NOX4: variants seen among roughly 807,000 people sequenced by gnomAD.
NOX4 encodes kidney oxidase-1.
Under a neutral mutation model 87.6 loss-of-function variants are expected in NOX4, and 69 were observed. That is an observed-to-expected ratio of 0.79 (90% CI 0.65 to 0.96). The LOEUF is 0.96. NOX4 is among the 40% of genes least tolerant of loss of function. NOX4 has a pLI of 0.00. For missense variants in NOX4, 680 were observed against 681.5 expected (o/e 1.00, Z 0.02); for synonymous variants, 275 against 238.2 (o/e 1.15, Z -1.42).
chr11:89,501,254 T>C (rs1247759754), upstream of NOX4, among the ~76,000 whole-genome samples: 1 of 152,066 alleles, frequency 6.6e-6, no homozygotes, highest in Non-Finnish European at 1.5e-5. Flanking sequence ...TGCAATTTAA[T>C]AGATTAAAAT....
intron 7 of NOX4, among the ~76,000 whole-genome samples, chr11:89,425,549 A>T (rs1441132695): frequency 1.3e-5 from 2 of 152,038 alleles, no homozygotes; most frequent in African/African-American, 4.8e-5. Flanking sequence ...TTAACGTAAA[A>T]ATGTTCATAA....
At position 89,400,353 on chromosome 11, in the gene NOX4, C is replaced by G. The variant is rs1941762814; in HGVS notation, c.873G>C (p.Leu291Phe). Residue 291 changes from leucine to phenylalanine, a missense_variant, in exon 10 of 18, where the codon TTG becomes TTC. Physicochemically the swap from Leu to Phe is conservative, Grantham distance 22. Coordinates refer to ENST00000263317, the MANE Select transcript of NOX4 (RefSeq NM_016931.5). ...AAAGTCTTTCGGCACAGTACAGGCA[C>G]AAAGGTCCAGAAATCCAAAGCCAAG... is the stretch of plus-strand genomic sequence containing the variant. ...PQTWLWISGP[L>F]CLYCAERLYR... 6.3e-7 allele frequency: 1 copy of G among 1,592,302 alleles called. No individual in the cohort carries two copies.
chr11:89,539,335 G>A, the NOX4 span, among the ~76,000 whole-genome samples: 4 of 152,050 alleles, frequency 2.6e-5, no homozygotes, highest in African/African-American at 9.7e-5. Context: ...GGGAGGCTGA[G>A]GCAGGAAAAT....
the NOX4 span, among the ~76,000 whole-genome samples, chr11:89,549,576 G>T: frequency 6.6e-6 from 1 of 152,128 alleles, no homozygotes; most frequent in African/African-American, 2.4e-5. Context: ...GTGCCATGGT[G>T]GTTTGCTGCA....
At chr11:89,355,221 T>C (rs1937934755) in intron 12 of NOX4, among the ~76,000 whole-genome samples, 178 bp from the exon 13 acceptor site, 1 of 149,920 alleles carries the variant, frequency 6.7e-6, no homozygotes, top group Middle Eastern at 3.2e-3. Flanking sequence ...TGTATGTATG[T>C]GTGTGTGTGT....
At chr11:89,478,906 T>C (rs1946276525) in intron 2 of NOX4, among the ~76,000 whole-genome samples, 1 of 152,030 alleles carries the variant, frequency 6.6e-6, no homozygotes, top group African/African-American at 2.4e-5. Context: ...GAATAATCAC[T>C]TGAGCCAAGG....
At chr11:89,346,748 C>T (rs1946231559) in intron 13 of NOX4, among the ~76,000 whole-genome samples, 2 of 152,166 alleles carry the variant, frequency 1.3e-5, no homozygotes, top group Admixed American at 1.3e-4. Context: ...AGCACTAAGG[C>T]TTGTTTATTG....
At chr11:89,425,079 T>C (rs1476770985) in intron 7 of NOX4, among the ~76,000 whole-genome samples, 1 of 152,110 alleles carries the variant, frequency 6.6e-6, no homozygotes, top group African/African-American at 2.4e-5. Flanking sequence ...TTTATTCCAT[T>C]TGACAAAACT....
chr11:89,451,943 G>C (rs1944981658), intron 2 of NOX4, 48 bp from the exon 3 acceptor site: 1 of 1,260,834 alleles, frequency 7.9e-7, no homozygotes, highest in Non-Finnish European at 1.2e-6. Context: ...CAGTAGTAAA[G>C]CCCTGTCCTG....
At chr11:89,463,688 A>T (rs1945563059) in intron 2 of NOX4, among the ~76,000 whole-genome samples, 1 of 146,894 alleles carries the variant, frequency 6.8e-6, no homozygotes, top group South Asian at 2.1e-4. Flanking sequence ...ATTGACTGAT[A>T]TAAAAAGCAA....
upstream of NOX4, among the ~76,000 whole-genome samples, chr11:89,495,666 G>T (rs1946940419): frequency 6.6e-6 from 1 of 151,996 alleles, no homozygotes; most frequent in African/African-American, 2.4e-5. Flanking sequence ...TTCTTTCTCT[G>T]ATTGGATATG....
chr11:89,362,107 T>C (rs765402447), intron 12 of NOX4, among the ~76,000 whole-genome samples: 9 of 151,942 alleles, frequency 5.9e-5, no homozygotes, highest in Non-Finnish European at 8.8e-5. Flanking sequence ...CCCCAAACCC[T>C]CTTTGTTCTC....
At chr11:89,365,349 C>T (rs1938876176) in intron 12 of NOX4, among the ~76,000 whole-genome samples, 1 of 151,830 alleles carries the variant, frequency 6.6e-6, no homozygotes, top group Admixed American at 6.6e-5. Flanking sequence ...TTCTTGGCCC[C>T]TAAATACATC....
At chr11:89,504,343 C>T in the NOX4 span, among the ~76,000 whole-genome samples, 1 of 151,916 alleles carries the variant, frequency 6.6e-6, no homozygotes, top group African/African-American at 2.4e-5. Flanking sequence ...ATACATTTTG[C>T]ACTCCATACA....
At chr11:89,457,004 C>T (rs1591303921) in intron 2 of NOX4, among the ~76,000 whole-genome samples, 1 of 152,102 alleles carries the variant, frequency 6.6e-6, no homozygotes, top group Admixed American at 6.5e-5. Flanking sequence ...TGAAGCACAG[C>T]CTCTGATGGC....
chr11:89,361,046 C>T (rs1397324602), intron 12 of NOX4, among the ~76,000 whole-genome samples: 1 of 152,120 alleles, frequency 6.6e-6, no homozygotes, highest in Middle Eastern at 3.4e-3. Context: ...CATGGAGATT[C>T]CTTAAAGAAC....
At chr11:89,444,904 G>A (rs1249869585) in intron 4 of NOX4, among the ~76,000 whole-genome samples, 1 of 152,176 alleles carries the variant, frequency 6.6e-6, no homozygotes, top group East Asian at 1.9e-4. Context: ...GAGATGTGAA[G>A]ATGAACTCAT....
At chr11:89,525,236 T>A in the NOX4 span, among the ~76,000 whole-genome samples, 8 of 152,078 alleles carry the variant, frequency 5.3e-5, no homozygotes, top group Non-Finnish European at 1.5e-5. Flanking sequence ...AATAGCTGCC[T>A]AGATGTGGAA....
chr11:89,533,686 C>T, the NOX4 span: 1 of 152,144 alleles, frequency 6.6e-6, no homozygotes, highest in Non-Finnish European at 1.5e-5. Context: ...AACTTAGATC[C>T]CAAGAACTAG....
Sources: gnomAD v4.1 joint callset for allele counts (sites outside exome capture counted in the v4.1 genomes callset) on GRCh38, gnomAD v4.1.1 for gene constraint, MANE v1.5 for transcripts, NCBI Gene and HGNC (gene_info 2026-07-23, HGNC 2026-07-21) for gene names.